NUP153: variants seen among roughly 807,000 people sequenced by gnomAD.
NUP153 encodes nuclear pore complex protein Nup153.
Under a neutral mutation model 134.6 loss-of-function variants are expected in NUP153, and 27 were observed. The observed-to-expected ratio is 0.20, with a 90% CI of 0.15 to 0.28. NUP153 has a LOEUF of 0.28. NUP153 is among the 10% of genes least tolerant of loss of function. The pLI, the probability that NUP153 is intolerant of heterozygous loss-of-function variation, is 1.00. For missense variants in NUP153, 1,821 were observed against 1,731.3 expected (o/e 1.05, Z -0.92); for synonymous variants, 640 against 623.5 (o/e 1.03, Z -0.40).
intron 11 of NUP153, among the ~76,000 whole-genome samples, chr6:17,653,777 GGAT>G (rs1223772607): frequency 1.3e-5 from 2 of 152,266 alleles, no homozygotes; most frequent in African/African-American, 2.4e-5. Flanking sequence ...GAAATTTCTA[GGAT>G]GATAGAAATA....
intron 12 of NUP153, 116 bp from the exon 13 acceptor site, chr6:17,648,021 TA>T: frequency 3.0e-6 from 2 of 670,642 alleles, no homozygotes; most frequent in South Asian, 3.8e-5. Context: ...TTTTTCCTTT[TA>T]AATTTAAAAA....
In NUP153 at chr6:17,706,650, C is replaced by G. The variant is rs535942698; in HGVS notation, c.-263G>C. 200 of 545,730 alleles carry G rather than the reference C, an allele frequency of 3.7e-4. No individual in the cohort carries two copies. Among genetic ancestry groups the G allele is most frequent in the African/African-American group, 1.7e-3 (84 of 49,526 alleles). 33.8% of individuals were successfully genotyped at this position (545,730 alleles called of 1,614,324 possible). Reference sequence around the variant, plus strand: ...CGGCCGCCTCTGCGGACCCCCGCCTCTGTGTGTGTCACGGTCTCTATGGAG... The same window carrying G: ...CGGCCGCCTCTGCGGACCCCCGCCTGTGTGTGTGTCACGGTCTCTATGGAG... On this transcript the variant is annotated 5_prime_UTR_variant, in exon 1 of 22. Coordinates refer to ENST00000262077, the MANE Select transcript of NUP153 (RefSeq NM_005124.4). This position sits in a 1 kb window ranked among gnomAD's most constrained non-coding sequence, Gnocchi z 5.9.
intron 16 of NUP153, among the ~76,000 whole-genome samples, chr6:17,634,640 T>C (rs1050368194): frequency 4.6e-5 from 7 of 152,192 alleles, no homozygotes; most frequent in African/African-American, 9.7e-5. Context: ...CTTTGCCATG[T>C]TGGCCAGGCT....
intron 11 of NUP153, among the ~76,000 whole-genome samples, chr6:17,657,942 T>C (rs1203532386): frequency 1.3e-5 from 2 of 152,260 alleles, no homozygotes; most frequent in African/African-American, 4.8e-5. Flanking sequence ...TATTTTATAT[T>C]ATTTTAGACT....
chr6:17,650,557 G>A (rs768123981), intron 11 of NUP153, among the ~76,000 whole-genome samples: 46 of 152,116 alleles, frequency 3.0e-4, no homozygotes, highest in Non-Finnish European at 5.6e-4. Context: ...TCAAATGGAT[G>A]CAGTTTATTG....
At position 17,688,551 on chromosome 6, in the gene NUP153, T is replaced by A; in HGVS notation, c.179A>T (p.Asn60Ile). ...IVPGWLQRYF[N>I]KNEDVCSCST... is the part of the protein sequence containing the mutation. ...ACAGCTGCATACATCTTCATTCTTG[T>A]TGAAGTATCTTTGTAGCCACCCTGG... Residue 60 changes from asparagine to isoleucine, a missense_variant, in exon 2 of 22, where the codon AAC becomes ATC. Transcript: ENST00000262077. 6.2e-7 allele frequency: 1 copy of A among 1,614,162 alleles called. No homozygotes were observed. The highest frequency in any genetic ancestry group is 8.5e-7 in the Non-Finnish European group (1 of 1,180,002).
intron 5 of NUP153, among the ~76,000 whole-genome samples, chr6:17,670,027 C>T (rs1422008341): frequency 5.3e-5 from 7 of 132,026 alleles, no homozygotes; most frequent in East Asian, 2.4e-4. Context: ...ACCCAGGAGG[C>T]GGAGGTTGTG....
rs144451644 is a variant in NUP153 at position 17,623,309 on chromosome 6, T to A, written c.4174+1252A>T. On this transcript the variant is annotated intron_variant, in intron 20 of 21. Transcript: ENST00000262077. ...ACAAAGTACCAATATCCAGAATACATAAAGAACCTCTACAAACTTACACGC... is the reference window on the plus strand; with the variant it reads ...ACAAAGTACCAATATCCAGAATACAAAAAGAACCTCTACAAACTTACACGC... 1.3e-3 allele frequency among the ~76,000 whole-genome samples: 112 copies of A among 83,710 alleles called. No individual in the cohort carries two copies. In the East Asian group the frequency reaches 0.035, roughly 26 times the overall value. 54.9% of individuals were successfully genotyped at this position (83,710 alleles called of 152,430 possible). A position where few individuals can be genotyped will look rare whatever the true frequency, so the allele number is the denominator to read the frequency against.
At chr6:17,701,181 T>A (rs2150253556) in intron 1 of NUP153, among the ~76,000 whole-genome samples, 1 of 147,932 alleles carries the variant, frequency 6.8e-6, no homozygotes, top group South Asian at 2.1e-4. Context: ...GCCAAGATGG[T>A]GCCGTTGCAC....
rs556493901 is a variant in NUP153 at position 17,648,644 on chromosome 6, AT to A, written c.1533+518del. The stretch of plus-strand genomic sequence containing the variant: ...AAAATAAATAAATATTTAAAAAAAA[AT>A]TTTTTTAATTAGCTGGGTGTGGTGG... On this transcript the variant is annotated intron_variant, in intron 12 of 21. Coordinates refer to ENST00000262077, the MANE Select transcript of NUP153 (RefSeq NM_005124.4). 2.9e-3 allele frequency among the ~76,000 whole-genome samples: 445 copies of A among 151,980 alleles called. 2 individuals carry two copies. The highest frequency in any genetic ancestry group is 7.5e-3 in the Admixed American group (115 of 15,256).
rs878895251 is a variant in NUP153 at position 17,616,283 on chromosome 6, G to A, written c.4344-102C>T. 16 of 430,128 alleles carry A rather than the reference G, an allele frequency of 3.7e-5. No individual in the cohort carries two copies. In the African/African-American group the frequency reaches 5.2e-4, roughly 14 times the overall value. The allele number at this position is 430,128 out of a possible 1,614,324, so 26.6% of individuals were successfully genotyped here. On this transcript the variant is annotated intron_variant, in intron 21 of 21. Coordinates refer to ENST00000262077, the MANE Select transcript of NUP153 (RefSeq NM_005124.4). ...AGCACAAGGGTAAGGGGGGTCGGGT[G>A]GGGGGGGAGTAGACTCACATTGGTA...
In NUP153 at chr6:17,706,253, C is replaced by G. The variant is rs564240997; in HGVS notation, c.111+24G>C. 2,666 of 1,581,320 alleles carry G rather than the reference C, an allele frequency of 1.7e-3. 3 individuals carry two copies. The highest frequency in any genetic ancestry group is 4.4e-3 in the Admixed American group (263 of 59,940). On this transcript the variant is annotated intron_variant, in intron 1 of 21. Transcript: ENST00000262077. This position sits in a 1 kb window ranked among gnomAD's most constrained non-coding sequence, Gnocchi z 5.9. ...AGCCGAGTTTCCCCACCCGCCAGGC[C>G]ACCGCGGCGTCGGGGTCCCATACCT...
At position 17,625,896 on chromosome 6, in the gene NUP153, G is replaced by T. The variant is rs1764922098; in HGVS notation, c.3813C>A (p.Thr1271=). ...ATTSSTGTAV[T]PFVFGPGASS... ...TGGCTCCTGGACCAAAGACAAATGG[G>T]GTGACAGCTGTACCTGTGCTGGATG... The change falls in exon 19 of 22, where the codon ACC becomes ACA. Residue 1271 remains threonine, a synonymous_variant. Coordinates refer to ENST00000262077, the MANE Select transcript of NUP153 (RefSeq NM_005124.4). This position sits in a 1 kb window ranked among gnomAD's most constrained non-coding sequence, Gnocchi z 4.7. The T allele has an allele frequency of 3.1e-6, 5 of 1,614,196 alleles. No individual in the cohort carries two copies. The highest frequency in any genetic ancestry group is 4.2e-6 in the Non-Finnish European group (5 of 1,180,036).
intron 11 of NUP153, among the ~76,000 whole-genome samples, chr6:17,657,074 CCTTCAG>C (rs1766863778): frequency 6.6e-6 from 1 of 152,286 alleles, no homozygotes; most frequent in Admixed American, 6.5e-5. Flanking sequence ...CATGGCTTCA[CCTTCAG>C]CTTCAGTTTT....
intron 21 of NUP153, 101 bp from the exon 22 acceptor site, chr6:17,616,282 T>TGGGGGGG (rs3836949): frequency 6.3e-4 from 211 of 333,972 alleles, no homozygotes; most frequent in South Asian, 2.4e-3. Flanking sequence ...GGGGGTCGGG[T>TGGGGGGG]GGGGGGGGAG....
intron 8 of NUP153, among the ~76,000 whole-genome samples, chr6:17,666,151 C>A (rs996267125): frequency 6.6e-6 from 1 of 151,120 alleles, no homozygotes; most frequent in African/African-American, 2.4e-5. Context: ...AATGCATGAA[C>A]TAAAATGTAC....
intron 1 of NUP153, among the ~76,000 whole-genome samples, chr6:17,693,107 ACT>A (rs1769382891): frequency 6.6e-6 from 1 of 151,152 alleles, no homozygotes; most frequent in Non-Finnish European, 1.5e-5. Context: ...TTTCACCTAT[ACT>A]GTTTTTCTCT....
At chr6:17,679,445 A>C (rs1377448080) in intron 2 of NUP153, among the ~76,000 whole-genome samples, 1 of 152,222 alleles carries the variant, frequency 6.6e-6, no homozygotes. Context: ...ATACTATTCT[A>C]AGCAATCTAC....
intron 2 of NUP153, among the ~76,000 whole-genome samples, chr6:17,685,548 C>CA (rs71536744): frequency 0.12 from 11,962 of 98,430 alleles, 594 homozygotes; most frequent in Admixed American, 0.15. Context: ...GACTCCGTCT[C>CA]AAAAAAAAAA....
Sources: gnomAD v4.1 joint callset for allele counts (sites outside exome capture counted in the v4.1 genomes callset) on GRCh38, gnomAD v4.1.1 for gene constraint, Gnocchi (gnomAD v3.1) non-coding constraint, MANE v1.5 for transcripts, NCBI Gene and HGNC (gene_info 2026-07-23, HGNC 2026-07-21) for gene names.